The following FBXL17 variants were observed in gnomAD, a reference collection of about 807,000 sequenced individuals.
FBXL17 encodes F-box and leucine rich repeat protein 17.
In FBXL17, 22 loss-of-function variants were observed where a neutral mutation model predicts 66.2. The observed-to-expected ratio is 0.33, with a 90% CI of 0.24 to 0.47. The LOEUF (loss-of-function observed/expected upper bound fraction) is 0.47. FBXL17 is among the 20% of genes least tolerant of loss of function. FBXL17 has a pLI of 1.00. For missense variants in FBXL17, 878 were observed against 948.2 expected, an observed-to-expected ratio of 0.93 and a Z score of 0.97; for synonymous variants, 474 against 400.5, an observed-to-expected ratio of 1.18 and a Z score of -2.19.
chr5:108,005,218 T>C (rs1339099676), intron 7 of FBXL17, among the ~76,000 whole-genome samples: 1 of 151,880 alleles, frequency 6.6e-6, no homozygotes, highest in East Asian at 1.9e-4. Context: ...AAAAATAAAA[T>C]AGGAATCTAA....
chr5:108,216,586 G>C (rs1057004684), intron 5 of FBXL17, among the ~76,000 whole-genome samples: 1 of 151,910 alleles, frequency 6.6e-6, no homozygotes, highest in Non-Finnish European at 1.5e-5. Flanking sequence ...ATGATGTTTT[G>C]ATATAAGTAT....
At chr5:107,921,807 G>T (rs1561321973) in intron 7 of FBXL17, among the ~76,000 whole-genome samples, 1 of 152,166 alleles carries the variant, frequency 6.6e-6, no homozygotes, top group East Asian at 1.9e-4. Flanking sequence ...ACCCAAACCT[G>T]GTTTGACCCA....
chr5:107,886,905 T>C (rs1448844841), intron 7 of FBXL17, among the ~76,000 whole-genome samples: 1 of 123,376 alleles, frequency 8.1e-6, no homozygotes, highest in Non-Finnish European at 1.6e-5. Flanking sequence ...AGGGTCAAGG[T>C]AATGAAATAC....
intron 4 of FBXL17, among the ~76,000 whole-genome samples, chr5:108,231,621 C>A (rs1307912670): frequency 6.6e-6 from 1 of 152,080 alleles, no homozygotes; most frequent in African/African-American, 2.4e-5. Flanking sequence ...AACACTGCCA[C>A]CAAGAGACAC....
chr5:108,075,078 A>T (rs1748490348), intron 6 of FBXL17, among the ~76,000 whole-genome samples: 1 of 152,110 alleles, frequency 6.6e-6, no homozygotes, highest in Non-Finnish European at 1.5e-5. Flanking sequence ...AAAGATCTAG[A>T]CGGTCTGCCT....
intron 7 of FBXL17, among the ~76,000 whole-genome samples, chr5:107,988,554 T>C (rs1753108827): frequency 6.6e-6 from 1 of 151,760 alleles, no homozygotes. Flanking sequence ...TCTATTAAAA[T>C]GAAGGCAAAG....
At chr5:108,283,591 C>G (rs1461985199) in intron 4 of FBXL17, among the ~76,000 whole-genome samples, 1 of 151,784 alleles carries the variant, frequency 6.6e-6, no homozygotes, top group African/African-American at 2.4e-5. Flanking sequence ...AGAAGAAAAC[C>G]TAGGGAAAAC....
chr5:107,984,590 C>T (rs558337578), intron 7 of FBXL17, among the ~76,000 whole-genome samples: 62 of 152,202 alleles, frequency 4.1e-4, no homozygotes, highest in Non-Finnish European at 6.6e-4. Context: ...CTCAAACCCA[C>T]GCACGCCTTT....
intron 6 of FBXL17, among the ~76,000 whole-genome samples, chr5:108,047,465 G>A (rs189874510): frequency 6.6e-5 from 10 of 152,252 alleles, no homozygotes; most frequent in Admixed American, 4.6e-4. Context: ...GCAGCTGCTT[G>A]CTGTTTAAGT....
intron 4 of FBXL17, among the ~76,000 whole-genome samples, chr5:108,244,839 A>G (rs1398458467): frequency 2.0e-5 from 3 of 152,198 alleles, no homozygotes; most frequent in African/African-American, 7.2e-5. Context: ...TTAACTGTAT[A>G]TAACAGGTTT....
At position 108,283,098 on chromosome 5, in the gene FBXL17, A is replaced by G. The variant is rs569620564; in HGVS notation, c.1507-58870T>C. ...CTGCCTAAAACAATCTATAGTTTCA[A>G]TGCAATCCCTATCAAATTACCAATG... On this transcript the variant is annotated intron_variant, in intron 4 of 8. Coordinates refer to ENST00000542267, the MANE Select transcript of FBXL17 (RefSeq NM_001163315.3). Among the ~76,000 whole-genome samples the G allele has an allele frequency of 3.3e-5, 5 of 151,944 alleles. No individual in the cohort carries two copies. The East Asian group carries it at 9.6e-4, about 29-fold the overall frequency.
chr5:108,160,607 T>G (rs1158121009), intron 6 of FBXL17, among the ~76,000 whole-genome samples: 1 of 152,132 alleles, frequency 6.6e-6, no homozygotes, highest in East Asian at 1.9e-4. Flanking sequence ...CAGACAAAAA[T>G]TCCATAGGGA....
chr5:108,116,725 C>T (rs866488260), intron 6 of FBXL17, among the ~76,000 whole-genome samples: 2 of 131,034 alleles, frequency 1.5e-5, no homozygotes, highest in Admixed American at 1.7e-4. Context: ...TGAATAATAC[C>T]GTTTTCAAAA....
intron 7 of FBXL17, among the ~76,000 whole-genome samples, chr5:107,890,703 A>C (rs1014154713): frequency 1.3e-5 from 2 of 151,928 alleles, no homozygotes; most frequent in Non-Finnish European, 2.9e-5. Flanking sequence ...ACTATGTATC[A>C]GAGTAGGATG....
At chr5:107,885,433 G>A (rs1044559053) in intron 7 of FBXL17, among the ~76,000 whole-genome samples, 1 of 152,080 alleles carries the variant, frequency 6.6e-6, no homozygotes, top group Non-Finnish European at 1.5e-5. Context: ...ACCTCTAATA[G>A]TACAAAATTA....
intron 5 of FBXL17, among the ~76,000 whole-genome samples, chr5:108,201,546 A>T (rs955806041): frequency 2.0e-5 from 3 of 152,150 alleles, no homozygotes; most frequent in African/African-American, 7.2e-5. Context: ...TAATGTTTTT[A>T]AAATAAATTG....
chr5:108,355,253 T>C (rs747058882), intron 3 of FBXL17, among the ~76,000 whole-genome samples: 2 of 148,380 alleles, frequency 1.3e-5, no homozygotes, highest in Admixed American at 1.4e-4. Flanking sequence ...ATATAAGGGA[T>C]GAAAAACTTT....
intron 7 of FBXL17, among the ~76,000 whole-genome samples, chr5:107,885,695 A>T (rs935791752): frequency 6.6e-6 from 1 of 152,208 alleles, no homozygotes; most frequent in African/African-American, 2.4e-5. Context: ...CACCCTTCGT[A>T]AAAAGCACAA....
rs760807614 is a variant in FBXL17, at chr5:108,283,406, A to G, written c.1507-59178T>C. 2.2e-4 allele frequency among the ~76,000 whole-genome samples: 33 copies of G among 151,960 alleles called. 1 individual carries two copies. The highest frequency in any genetic ancestry group is 4.1e-4 in the Non-Finnish European group (28 of 67,852). ...GAAATAAAGCCACATATTTATATTC[A>G]ACTGATCTTTGACACAGTTGACAAG... is the stretch of plus-strand genomic sequence containing the variant. On this transcript the variant is annotated intron_variant, in intron 4 of 8. Coordinates refer to ENST00000542267, the MANE Select transcript of FBXL17 (RefSeq NM_001163315.3).
Sources: allele counts gnomAD v4.1 joint callset (sites outside exome capture counted in the v4.1 genomes callset), GRCh38; gene constraint gnomAD v4.1.1; transcripts MANE v1.5; gene names NCBI Gene and HGNC (gene_info 2026-07-23, HGNC 2026-07-21).